The following KMT2A variants were observed in gnomAD, a reference collection of about 807,000 sequenced individuals.
The protein encoded by KMT2A is lysine methyltransferase 2A.
KMT2A carries 16 observed loss-of-function variants against 345.3 expected under a neutral mutation model. That is an observed-to-expected ratio of 0.05 (90% CI 0.03 to 0.07). KMT2A has a LOEUF of 0.07. KMT2A is among the 10% of genes least tolerant of loss of function. The probability of loss-of-function intolerance (pLI) is 1.00; values close to 1 mark genes in which losing one functional copy is unlikely to be tolerated. For missense variants in KMT2A, 3,272 were observed against 4,841.6 expected (o/e 0.68, Z 9.62); for synonymous variants, 1,599 against 1,778.6 (o/e 0.90, Z 2.54).
chr11:118,450,456 G>A (rs1342798587), intron 1 of KMT2A: 1 of 152,080 alleles, frequency 6.6e-6, no homozygotes, highest in Non-Finnish European at 1.5e-5. Context: ...GGGATGAGGG[G>A]TACTACCTAT....
chr11:118,482,500 G>GGA lies in KMT2A; in HGVS notation c.4086+10_4086+11dup. Reference sequence around the variant, plus strand: ...AAACAAAAACCAAAAGAAAAGGTGAGGAGAGATTTGTTTCTCTGCCATTTC... The same window carrying GGA: ...AAACAAAAACCAAAAGAAAAGGTGAGGAGAGAGATTTGTTTCTCTGCCATTTC... On this transcript the variant is annotated splice_donor_region_variant and intron_variant, in intron 8 of 35. Transcript: ENST00000534358. 6.3e-7 allele frequency: 1 copy of GGA among 1,599,610 alleles called. No individual in the cohort carries two copies. Among genetic ancestry groups the GGA allele is most frequent in the Non-Finnish European group, 8.6e-7 (1 of 1,167,988 alleles).
chr11:118,480,087 CTGAT>C (rs1247239130), intron 5 of KMT2A, 83 bp from the exon 6 acceptor site: 1 of 1,011,794 alleles, frequency 9.9e-7, no homozygotes, highest in Non-Finnish European at 1.5e-6. Flanking sequence ...TACAGATTCA[CTGAT>C]TGTTGCAGAC....
intron 6 of KMT2A, among the ~76,000 whole-genome samples, chr11:118,480,719 G>A (rs1950116109): frequency 6.6e-6 from 1 of 152,100 alleles, no homozygotes; most frequent in Non-Finnish European, 1.5e-5. Flanking sequence ...CTGGGGTGCA[G>A]TAGCATGATT....
chr11:118,468,874 T>G, intron 2 of KMT2A, 30 bp downstream of exon 2: 8 of 1,580,762 alleles, frequency 5.1e-6, no homozygotes, highest in Non-Finnish European at 7.0e-6. Context: ...TGGTGCCTTT[T>G]AAGTTTTGTT....
Position 118,504,024 on chromosome 11 carries a change from A to C in KMT2A, c.8132A>C (p.Gln2711Pro). 6.2e-7 allele frequency: 1 copy of C among 1,614,224 alleles called. No individual in the cohort carries two copies. Among genetic ancestry groups the C allele is most frequent in the Non-Finnish European group, 8.5e-7 (1 of 1,180,018 alleles). Residue 2711 changes from glutamine to proline, a missense_variant, in exon 27 of 36, where the codon CAG (glutamine) becomes CCG (proline). This residue lies in a region of KMT2A where 47 missense variants were observed against 53.6 expected (regional missense o/e 0.88). Coordinates refer to ENST00000534358, the MANE Select transcript of KMT2A (RefSeq NM_001197104.2). The surrounding 1 kb of genome is among the most constrained non-coding windows in gnomAD (Gnocchi z 6.4). The stretch of plus-strand genomic sequence containing the variant: ...CATAATTTATTTCGGGAGGAGGAAC[A>C]GTGTGATCTTCCAAAAATCTCACAG... ...ASHNLFREEE[Q>P]CDLPKISQLD...
rs781848874 is a variant in KMT2A, at chr11:118,496,757, G to T, written c.5664+390G>T. 3.9e-5 allele frequency among the ~76,000 whole-genome samples: 6 copies of T among 152,074 alleles called. No individual in the cohort carries two copies. Among genetic ancestry groups the T allele is most frequent in the African/African-American group, 1.5e-4 (6 of 41,376 alleles). Reference sequence around the variant, plus strand: ...AATCGTTAAGAGCCCGAGTTCTGCCGCCTGCCTGAATACATTTCTGTGCTT... The same window carrying T: ...AATCGTTAAGAGCCCGAGTTCTGCCTCCTGCCTGAATACATTTCTGTGCTT... On this transcript the variant is annotated intron_variant, in intron 20 of 35. Coordinates refer to ENST00000534358, the MANE Select transcript of KMT2A (RefSeq NM_001197104.2). The surrounding 1 kb of genome is among the most constrained non-coding windows in gnomAD (Gnocchi z 4.7).
intron 8 of KMT2A, 52 bp downstream of exon 8, chr11:118,482,547 T>C (rs2134304003): frequency 7.5e-7 from 1 of 1,334,512 alleles, no homozygotes; most frequent in Non-Finnish European, 1.1e-6. Flanking sequence ...TTCTATTTTG[T>C]AGGGAAAAGC....
intron 1 of KMT2A, among the ~76,000 whole-genome samples, chr11:118,462,597 C>T (rs1555033017): frequency 1.3e-5 from 2 of 152,126 alleles, no homozygotes; most frequent in African/African-American, 4.8e-5. Context: ...CTCGCTCTGT[C>T]GCCCAGGCTG....
rs1555042279 is a variant in KMT2A, at chr11:118,491,022, G to A, written c.4697-174G>A. On this transcript the variant is annotated intron_variant, in intron 13 of 35. Transcript: ENST00000534358. The surrounding 1 kb of genome is among the most constrained non-coding windows in gnomAD (Gnocchi z 4.2). ...AAGCTTTTCTGTGAGTATTCGAGGG[G>A]CTCAGAATAATCTTGAGACTGCAGA... Among the ~76,000 whole-genome samples the A allele has an allele frequency of 2.0e-5, 3 of 152,132 alleles. No individual in the cohort carries two copies. The highest frequency in any genetic ancestry group is 4.4e-5 in the Non-Finnish European group (3 of 68,032).
Position 118,473,366 on chromosome 11 carries a change from G to C in KMT2A, c.2207G>C (p.Arg736Thr), listed in dbSNP as rs1555036404. The C allele has an allele frequency of 6.2e-7, 1 of 1,613,852 alleles. No homozygotes were observed. Among genetic ancestry groups the C allele is most frequent in the African/African-American group, 1.3e-5 (1 of 74,860 alleles). ...TCTTCAGGAGTATCCAATAGAAAAA[G>C]GAAAAGAAAAGTGTTTAGTCCTATT... is the stretch of plus-strand genomic sequence containing the variant. ...TSSSGVSNRK[R>T]KRKVFSPIRS... Residue 736 changes from arginine to threonine, a missense_variant, in exon 3 of 36, where the codon AGG becomes ACG. Coordinates refer to ENST00000534358, the MANE Select transcript of KMT2A (RefSeq NM_001197104.2). The surrounding 1 kb of genome is among the most constrained non-coding windows in gnomAD (Gnocchi z 5.2).
At position 118,480,235 on chromosome 11, in the gene KMT2A, A is replaced by C. The variant is rs1555038842; in HGVS notation, c.3631A>C (p.Lys1211Gln). 6.2e-7 allele frequency: 1 copy of C among 1,612,542 alleles called. No individual in the cohort carries two copies. The highest frequency in any genetic ancestry group is 1.7e-5 in the Admixed American group (1 of 60,008). ...CAAAGCCTACCTGCAGAAGCAAGCT[A>C]AAGGTAGTGTTGTTAAAAAGGTCTT... ...PSKAYLQKQA[K>Q]AVKKKEKKSK... is the part of the protein sequence containing the mutation. The change falls in exon 6 of 36, where the codon AAA (lysine) becomes CAA (glutamine). Residue 1211 changes from lysine to glutamine, a missense_variant. Around this residue, in one of 27 missense-constraint regions of KMT2A, gnomAD observed 26 missense variants for 90.5 expected, o/e 0.29. Coordinates refer to ENST00000534358, the MANE Select transcript of KMT2A (RefSeq NM_001197104.2).
In KMT2A at chr11:118,473,486, T is replaced by C. The variant is rs782746928; in HGVS notation, c.2327T>C (p.Val776Ala). Residue 776 changes from valine to alanine, a missense_variant, in exon 3 of 36, where the codon GTC becomes GCC. Physicochemically the swap from Val to Ala is moderately conservative, Grantham distance 64. This residue lies in a region of KMT2A where 209 missense variants were observed against 237.4 expected (regional missense o/e 0.88). Coordinates refer to ENST00000534358, the MANE Select transcript of KMT2A (RefSeq NM_001197104.2). This position sits in a 1 kb window ranked among gnomAD's most constrained non-coding sequence, Gnocchi z 5.2. ...ELSPLTPPSS[V>A]SSSLSISVSP... ...TCACCTCTCACCCCCCCGTCTTCTG[T>C]CTCTTCCTCGTTAAGCATTTCTGTT... The C allele has an allele frequency of 4.3e-6, 7 of 1,614,086 alleles. No individual in the cohort carries two copies. The Admixed American group carries it at 6.7e-5, about 15-fold the overall frequency.
intron 10 of KMT2A, among the ~76,000 whole-genome samples, chr11:118,486,767 AG>A (rs1424494554): frequency 6.6e-6 from 1 of 152,042 alleles, no homozygotes; most frequent in Non-Finnish European, 1.5e-5. Flanking sequence ...CAGCTACTCT[AG>A]TCCCAGCTAC....
chr11:118,445,348 G>A (rs554838866), intron 1 of KMT2A, among the ~76,000 whole-genome samples: 1 of 152,304 alleles, frequency 6.6e-6, no homozygotes, highest in South Asian at 2.1e-4. Flanking sequence ...TCCATGAGTT[G>A]CTAATTATCA....
In KMT2A at chr11:118,506,666, G is replaced by A; in HGVS notation, c.10754+20G>A. ...CACAGGGTGAGAGATCCAAATACTA[G>A]CTAGGCTGGGTCTGTGGGATTTCAT... On this transcript the variant is annotated intron_variant, in intron 27 of 35. Coordinates refer to ENST00000534358, the MANE Select transcript of KMT2A (RefSeq NM_001197104.2). 1 of 1,561,706 alleles carries A rather than the reference G, an allele frequency of 6.4e-7. No individual in the cohort carries two copies. Among genetic ancestry groups the A allele is most frequent in the African/African-American group, 1.4e-5 (1 of 73,478 alleles).
chr11:118,518,652 G>T (rs372974093), intron 31 of KMT2A, among the ~76,000 whole-genome samples: 1 of 151,884 alleles, frequency 6.6e-6, no homozygotes, highest in Admixed American at 6.6e-5. Context: ...GCATGGTGAC[G>T]TGCCCCTGTA....
rs1204869035 is a variant in KMT2A at position 118,509,180 on chromosome 11, C to A, written c.10880C>A (p.Ala3627Glu). ...GAAGTTCAGGTGACCCAAAATCCAGCAAATGAACAAGAAAGTGCAGGTATG... is the reference window on the plus strand; with the variant it reads ...GAAGTTCAGGTGACCCAAAATCCAGAAAATGAACAAGAAAGTGCAGGTATG... ...LPEVQVTQNP[A>E]NEQESAEPKT... Residue 3627 changes from alanine (A) to glutamate (E), a missense_variant, in exon 29 of 36, where the codon GCA (alanine) becomes GAA (glutamate). Ala to Glu is a moderately radical substitution (Grantham distance 107). Coordinates refer to ENST00000534358, the MANE Select transcript of KMT2A (RefSeq NM_001197104.2). 2.5e-6 allele frequency: 4 copies of A among 1,613,488 alleles called. No individual in the cohort carries two copies. The highest frequency in any genetic ancestry group is 3.4e-6 in the Non-Finnish European group (4 of 1,179,758).
In KMT2A at chr11:118,493,237, T is replaced by A; in HGVS notation, c.5178+7T>A. The A allele has an allele frequency of 6.2e-7, 1 of 1,609,392 alleles. No homozygotes were observed. The highest frequency in any genetic ancestry group is 8.5e-7 in the Non-Finnish European group (1 of 1,176,938). On this transcript the variant is annotated splice_region_variant and intron_variant, in intron 16 of 35. Coordinates refer to ENST00000534358, the MANE Select transcript of KMT2A (RefSeq NM_001197104.2). The surrounding 1 kb of genome is among the most constrained non-coding windows in gnomAD (Gnocchi z 5.8). ...AGGGAATTACACATCTGTGGTATGT[T>A]TCTACAGTGAGCCATCAGAATTTCT...
chr11:118,467,263 G>A (rs1310508345), intron 1 of KMT2A, among the ~76,000 whole-genome samples: 1 of 151,890 alleles, frequency 6.6e-6, no homozygotes, highest in Non-Finnish European at 1.5e-5. Context: ...TCTAGTCTTA[G>A]CTATTCAGGA....
Sources: gnomAD v4.1 joint callset for allele counts (sites outside exome capture counted in the v4.1 genomes callset) on GRCh38, gnomAD v4.1.1 for gene constraint, gnomAD v4.1.1 regional missense constraint, Gnocchi (gnomAD v3.1) non-coding constraint, MANE v1.5 for transcripts, NCBI Gene and HGNC (gene_info 2026-07-23, HGNC 2026-07-21) for gene names.